Variants in CRIM1 observed in about 807,000 individuals in gnomAD.
The protein encoded by CRIM1 is cysteine-rich motor neuron 1 protein.
Under a neutral mutation model 116.4 loss-of-function variants are expected in CRIM1, and 32 were observed. That is an observed-to-expected ratio of 0.27 (90% confidence interval 0.21 to 0.37). The LOEUF is 0.37. Among genes scored for constraint, CRIM1 ranks in the 10% least tolerant of loss-of-function variants. The pLI is 1.00. For missense variants in CRIM1, 1,331 were observed against 1,354.8 expected (o/e 0.98, Z 0.28); for synonymous variants, 590 against 509.2 (o/e 1.16, Z -2.13).
intron 10 of CRIM1, among the ~76,000 whole-genome samples, chr2:36,512,622 AAATT>A (rs1664766798): frequency 1.3e-5 from 2 of 152,220 alleles, no homozygotes; most frequent in African/African-American, 4.8e-5. Context: ...CACATTGACT[AAATT>A]AATCACTTCC....
intron 1 of CRIM1, among the ~76,000 whole-genome samples, chr2:36,395,709 C>T (rs1231022756): frequency 6.6e-6 from 1 of 152,118 alleles, no homozygotes; most frequent in Non-Finnish European, 1.5e-5. Flanking sequence ...ATTCAGTTAC[C>T]TCAGCCTGTC....
chr2:36,499,171 AGGTAATCATATGTTTCATT>A, intron 7 of CRIM1, 29 bp from the exon 8 acceptor site: 5 of 1,452,398 alleles, frequency 3.4e-6, no homozygotes, highest in Non-Finnish European at 4.8e-6. Context: ...AGCATCTAAA[AGGTAATCATATGTTTCATT>A]GGTTATTTTT....
chr2:36,435,207 C>G (rs1675208664), intron 2 of CRIM1, among the ~76,000 whole-genome samples: 1 of 152,144 alleles, frequency 6.6e-6, no homozygotes. Context: ...AGACTCTTCT[C>G]TTGACTTTGT....
intron 3 of CRIM1, among the ~76,000 whole-genome samples, chr2:36,442,046 T>A (rs750745133): frequency 6.6e-6 from 1 of 152,208 alleles, no homozygotes; most frequent in African/African-American, 2.4e-5. Flanking sequence ...TTTGACTGTT[T>A]ACTCACCCTC....
At chr2:36,470,213 A>G (rs764799176) in intron 5 of CRIM1, among the ~76,000 whole-genome samples, 1 of 152,224 alleles carries the variant, frequency 6.6e-6, no homozygotes, top group African/African-American at 2.4e-5. Flanking sequence ...AACATCCTCC[A>G]TGAATAGTCC....
intron 1 of CRIM1, among the ~76,000 whole-genome samples, chr2:36,392,014 A>T (rs970909083): frequency 1.3e-5 from 2 of 152,220 alleles, no homozygotes; most frequent in South Asian, 4.1e-4. Flanking sequence ...GCCCTCAATT[A>T]TACATCTTAT....
chr2:36,544,264 C>T (rs1044539508), intron 14 of CRIM1, 112 bp from the exon 15 acceptor site: 1 of 977,444 alleles, frequency 1.0e-6, no homozygotes, highest in Non-Finnish European at 1.4e-6. Flanking sequence ...CTGCATCTTT[C>T]ATGTCCCAGG....
At chr2:36,447,512 G>A (rs1277175706) in intron 4 of CRIM1, among the ~76,000 whole-genome samples, 2 of 152,192 alleles carry the variant, frequency 1.3e-5, no homozygotes, top group African/African-American at 4.8e-5. Context: ...CAGGTTGACT[G>A]AGACTGGATG....
chr2:36,514,433 C>T (rs1458031649), intron 11 of CRIM1, among the ~76,000 whole-genome samples: 1 of 152,148 alleles, frequency 6.6e-6, no homozygotes, highest in Non-Finnish European at 1.5e-5. Context: ...GAGCTCAACA[C>T]AGTCTTATAT....
chr2:36,407,250 C>T (rs1211856609), intron 2 of CRIM1, among the ~76,000 whole-genome samples: 4 of 151,952 alleles, frequency 2.6e-5, no homozygotes, highest in Admixed American at 1.3e-4. Flanking sequence ...TATACATATT[C>T]GTGTGTATGT....
At chr2:36,367,192 C>T (rs1669656078) in intron 1 of CRIM1, among the ~76,000 whole-genome samples, 1 of 152,124 alleles carries the variant, frequency 6.6e-6, no homozygotes, top group Admixed American at 6.5e-5. Context: ...TTTTCAGAAC[C>T]ACTGAGTTCC....
intron 1 of CRIM1, among the ~76,000 whole-genome samples, chr2:36,372,336 C>T (rs1669999008): frequency 6.6e-6 from 1 of 152,042 alleles, no homozygotes; most frequent in Non-Finnish European, 1.5e-5. Flanking sequence ...TGGCTGGAGC[C>T]CCAACTTGTT....
chr2:36,418,713 T>G (rs12996582), intron 2 of CRIM1, among the ~76,000 whole-genome samples: 48,864 of 152,110 alleles, frequency 0.32, 8,177 homozygotes, highest in South Asian at 0.49. Flanking sequence ...CAATGGGAAA[T>G]CACATCTATA....
rs767770023 is a variant in CRIM1, at chr2:36,522,082, A to G, written c.2207-10A>G. On this transcript the variant is annotated splice_polypyrimidine_tract_variant and intron_variant, in intron 12 of 16. Transcript: ENST00000280527. Reference sequence around the variant, plus strand: ...ATCTTCTTTGCTGACCTATATGTTCATTTTTCCAGATCAACCTTTTCGGCC... The same window carrying G: ...ATCTTCTTTGCTGACCTATATGTTCGTTTTTCCAGATCAACCTTTTCGGCC... The G allele has an allele frequency of 8.1e-6, 13 of 1,613,020 alleles. No homozygotes were observed. The highest frequency in any genetic ancestry group is 8.0e-5 in the African/African-American group (6 of 74,876).
Position 36,522,145 on chromosome 2 carries a change from A to G in CRIM1, c.2260A>G (p.Lys754Glu). The G allele has an allele frequency of 6.2e-7, 1 of 1,614,206 alleles. No homozygotes were observed. Among genetic ancestry groups the G allele is most frequent in the South Asian group, 1.1e-5 (1 of 91,078 alleles). Residue 754 changes from lysine (K) to glutamate (E), a missense_variant, in exon 13 of 17, where the codon AAA (lysine) becomes GAA (glutamate). By Grantham distance (56) the Lys-to-Glu change is moderately conservative. Around this residue, in one of 3 missense-constraint regions of CRIM1, gnomAD observed 358 missense variants for 436.1 expected, o/e 0.82. Coordinates refer to ENST00000280527, the MANE Select transcript of CRIM1 (RefSeq NM_016441.3). ...SRNNSVPNYC[K>E]NDEGDIFLAA... ...CAATAACAGCGTACCTAATTACTGC[A>G]AAAATGATGAAGGGGATATATTCCT...
intron 1 of CRIM1, among the ~76,000 whole-genome samples, chr2:36,369,420 A>G (rs540574239): frequency 2.0e-5 from 3 of 152,330 alleles, no homozygotes; most frequent in African/African-American, 7.2e-5. Flanking sequence ...TCCAGCAAGG[A>G]TGAGTGCACA....
chr2:36,388,898 G>C (rs1164964535), intron 1 of CRIM1, among the ~76,000 whole-genome samples: 1 of 152,166 alleles, frequency 6.6e-6, no homozygotes, highest in Admixed American at 6.5e-5. Flanking sequence ...TATTATATTG[G>C]ATCAGTACTG....
At chr2:36,396,436 C>A (rs1672033528) in intron 1 of CRIM1, among the ~76,000 whole-genome samples, 178 bp from the exon 2 acceptor site, 1 of 152,134 alleles carries the variant, frequency 6.6e-6, no homozygotes, top group Admixed American at 6.5e-5. Context: ...TCACTTTTTT[C>A]AGTTATTATG....
chr2:36,456,530 A>G (rs1677145785), intron 4 of CRIM1, among the ~76,000 whole-genome samples: 1 of 151,926 alleles, frequency 6.6e-6, no homozygotes, highest in African/African-American at 2.4e-5. Flanking sequence ...TCTCACTCCC[A>G]TCCTGTCTTA....
Sources: gnomAD v4.1 joint callset for allele counts (sites outside exome capture counted in the v4.1 genomes callset) on GRCh38, gnomAD v4.1.1 for gene constraint, gnomAD v4.1.1 regional missense constraint, MANE v1.5 for transcripts, NCBI Gene and HGNC (gene_info 2026-07-23, HGNC 2026-07-21) for gene names.